Variants in BCCIP observed in about 807,000 individuals in gnomAD.
BCCIP encodes the protein BRCA2 and CDKN1A-interacting protein.
A neutral mutation model predicts 32.8 loss-of-function variants in BCCIP; 23 were observed. The observed-to-expected ratio is 0.70, with a 90% CI of 0.51 to 0.99. BCCIP has a LOEUF of 0.99. Among genes scored for constraint, BCCIP ranks in the 50% least tolerant of loss-of-function variants. BCCIP has a pLI of 0.00. For missense variants in BCCIP, 378 were observed against 379.8 expected, an observed-to-expected ratio of 1.00 and a Z score of 0.04; for synonymous variants, 144 against 137.6, an observed-to-expected ratio of 1.05 and a Z score of -0.33.
At chr10:125,844,430 G>A (rs1166697422), downstream of BCCIP, among the ~76,000 whole-genome samples, 1 of 152,218 alleles carries the variant, frequency 6.6e-6, no homozygotes, top group South Asian at 2.1e-4. Flanking sequence ...CCCTGGAGTT[G>A]AGTTGGCCGC....
At chr10:125,832,176 TTC>T (rs1463486646) in intron 5 of BCCIP, among the ~76,000 whole-genome samples, 13 of 152,042 alleles carry the variant, frequency 8.6e-5, no homozygotes, top group Admixed American at 2.6e-4. Flanking sequence ...TATAGGCAGA[TTC>T]TCTTATTTAT....
chr10:125,824,456 C>T (rs148402736), intron 1 of BCCIP, among the ~76,000 whole-genome samples: 57 of 152,198 alleles, frequency 3.7e-4, no homozygotes, highest in African/African-American at 1.3e-3. Context: ...TAATTCATGC[C>T]CCTCTCTTAA....
At chr10:125,830,773 T>C (rs1442955788) in intron 4 of BCCIP, 122 bp downstream of exon 4, 1 of 652,292 alleles carries the variant, frequency 1.5e-6, no homozygotes, top group East Asian at 2.7e-5. Flanking sequence ...TAAGTGCTCT[T>C]GTGAAATCTT....
chr10:125,841,393 A>G (rs1275889651), downstream of BCCIP: 13 of 1,609,472 alleles, frequency 8.1e-6, no homozygotes, highest in East Asian at 4.5e-5. Context: ...AATGAAGCCA[A>G]TAGGAAATAA....
At chr10:125,837,483 G>A (rs796110092), downstream of BCCIP, among the ~76,000 whole-genome samples, 33 of 152,204 alleles carry the variant, frequency 2.2e-4, no homozygotes, top group African/African-American at 7.2e-4. Flanking sequence ...GCTGGTGTGC[G>A]GTGGTGTGAC....
exon 7 of BCCIP, chr10:125,842,148 C>G (rs1854899504): frequency 3.2e-6 from 2 of 628,706 alleles, no homozygotes; most frequent in Non-Finnish European, 4.9e-6. Flanking sequence ...AGCTCATGCT[C>G]CGAGGAGGGT....
chr10:125,850,911 G>A (rs577129948), intron 7 of BCCIP, among the ~76,000 whole-genome samples: 5 of 152,290 alleles, frequency 3.3e-5, no homozygotes, highest in East Asian at 1.9e-4. Flanking sequence ...CCAGGGTAGC[G>A]GCAGTCTCAG....
Position 125,836,522 on chromosome 10 carries a change from T to A in BCCIP, c.*248T>A. The A allele has an allele frequency of 7.5e-7, 1 of 1,340,172 alleles. No homozygotes were observed. Among genetic ancestry groups the A allele is most frequent in the Non-Finnish European group, 9.8e-7 (1 of 1,025,314 alleles). 83.0% of individuals were successfully genotyped at this position (1,340,172 alleles called of 1,614,324 possible). A position where few individuals can be genotyped will look rare whatever the true frequency, so the allele number is the denominator to read the frequency against. On this transcript the variant is annotated 3_prime_UTR_variant, in exon 7 of 7. Transcript: ENST00000278100. Reference sequence around the variant, plus strand: ...TGGAGTAGTAATTTAAAGAACTCAATAAAAACTTCTATTTTTTATTTTAAA... The same window carrying A: ...TGGAGTAGTAATTTAAAGAACTCAAAAAAAACTTCTATTTTTTATTTTAAA...
intron 3 of BCCIP, among the ~76,000 whole-genome samples, chr10:125,829,512 C>G (rs1854476098): frequency 1.3e-5 from 2 of 152,230 alleles, no homozygotes; most frequent in Non-Finnish European, 2.9e-5. Flanking sequence ...ATTCATTCTT[C>G]AGACACTCTT....
At chr10:125,828,626 G>T (rs1221986092) in intron 3 of BCCIP, among the ~76,000 whole-genome samples, 1 of 152,182 alleles carries the variant, frequency 6.6e-6, no homozygotes, top group Non-Finnish European at 1.5e-5. Context: ...ACAAAATAAG[G>T]ACTGGTTTAG....
At chr10:125,841,472 T>C, downstream of BCCIP, 1 of 1,475,460 alleles carries the variant, frequency 6.8e-7, no homozygotes, top group Non-Finnish European at 9.0e-7. Context: ...CTGCACTGAT[T>C]ATTTCAGCAA....
chr10:125,826,390 T>G (rs1590049234), intron 1 of BCCIP: 1 of 746,970 alleles, frequency 1.3e-6, no homozygotes, highest in Non-Finnish European at 2.0e-6. Context: ...CCGTGTCTGG[T>G]TTATTTGAAC....
At chr10:125,827,787 T>G in intron 3 of BCCIP, 149 bp downstream of exon 3, 1 of 544,302 alleles carries the variant, frequency 1.8e-6, no homozygotes, top group South Asian at 2.6e-5. Context: ...CTGGGCAATA[T>G]AGCAATACTC....
intron 1 of BCCIP, among the ~76,000 whole-genome samples, chr10:125,825,081 T>C (rs948980865): frequency 2.6e-5 from 4 of 152,270 alleles, no homozygotes; most frequent in African/African-American, 9.6e-5. Flanking sequence ...TTTGACTGGC[T>C]CTTTTATTAC....
chr10:125,825,464 C>T (rs1337368993), intron 1 of BCCIP: 1 of 152,196 alleles, frequency 6.6e-6, no homozygotes, highest in Non-Finnish European at 1.5e-5. Flanking sequence ...GGAACACTCC[C>T]ACCCGACCCC....
At chr10:125,839,550 C>T (rs1854810800), downstream of BCCIP, among the ~76,000 whole-genome samples, 1 of 152,238 alleles carries the variant, frequency 6.6e-6, no homozygotes, top group Admixed American at 6.5e-5. Context: ...TCTATGCATA[C>T]AGCATGTATG....
At chr10:125,830,235 G>T (rs1010043604) in intron 3 of BCCIP, among the ~76,000 whole-genome samples, 1 of 152,204 alleles carries the variant, frequency 6.6e-6, no homozygotes, top group South Asian at 2.1e-4. Flanking sequence ...TTCTGGATTT[G>T]TATTATATTG....
At position 125,831,755 on chromosome 10, in the gene BCCIP, T is replaced by C. The variant is rs1589695174; in HGVS notation, c.599+148T>C. On this transcript the variant is annotated intron_variant, in intron 5 of 6. Transcript: ENST00000278100. ...TGTGAGGGGAGTGGAAGAAACATCCTGTGAAGTACATACATTATTAACAAC... is the reference window on the plus strand; with the variant it reads ...TGTGAGGGGAGTGGAAGAAACATCCCGTGAAGTACATACATTATTAACAAC... 4 of 640,768 alleles carry C rather than the reference T, an allele frequency of 6.2e-6. No individual in the cohort carries two copies. The East Asian group carries it at 1.1e-4, about 18-fold the overall frequency. The allele number at this position is 640,768 out of a possible 1,614,324, so 39.7% of individuals were successfully genotyped here.
chr10:125,838,149 C>G, downstream of BCCIP: 1 of 1,476,664 alleles, frequency 6.8e-7, no homozygotes, highest in African/African-American at 1.4e-5. Context: ...TTGTCATTTA[C>G]TCCTACAGGT....
Sources: allele counts gnomAD v4.1 joint callset (sites outside exome capture counted in the v4.1 genomes callset), GRCh38; gene constraint gnomAD v4.1.1; transcripts MANE v1.5; gene names NCBI Gene and HGNC (gene_info 2026-07-23, HGNC 2026-07-21).